The following GRM5 variants were observed in gnomAD, a reference collection of about 807,000 sequenced individuals.
The protein encoded by GRM5 is metabotropic glutamate receptor 5.
Under a neutral mutation model 83.1 loss-of-function variants are expected in GRM5, and 19 were observed. The ratio of observed to expected loss-of-function variants is 0.23; its 90% CI spans 0.16 to 0.34. The LOEUF (loss-of-function observed/expected upper bound fraction) is 0.34, where lower values mean the gene tolerates loss of function less well. Among genes scored for constraint, GRM5 ranks in the 10% least tolerant of loss-of-function variants. The pLI is 1.00. For synonymous variants in GRM5, 675 were observed against 633.6 expected (o/e 1.07, Z -0.98); for missense variants, 1,160 against 1,588.3 (o/e 0.73, Z 4.58).
chr11:88,998,792 C>A (rs1398885777), intron 2 of GRM5, among the ~76,000 whole-genome samples: 1 of 152,080 alleles, frequency 6.6e-6, no homozygotes, highest in African/African-American at 2.4e-5. Flanking sequence ...TAGCAATGAG[C>A]ATATGGACAT....
At chr11:88,654,699 C>T (rs908937418) in intron 3 of GRM5, among the ~76,000 whole-genome samples, 3 of 151,952 alleles carry the variant, frequency 2.0e-5, no homozygotes, top group East Asian at 1.9e-4. Flanking sequence ...CTGCTTACCT[C>T]GGTGATATTC....
intron 7 of GRM5, among the ~76,000 whole-genome samples, chr11:88,570,525 C>G (rs1942965903): frequency 7.6e-6 from 1 of 131,004 alleles, no homozygotes; most frequent in Non-Finnish European, 1.6e-5. Context: ...CTTGGAGAGG[C>G]TGTTTTACCA....
intron 7 of GRM5, among the ~76,000 whole-genome samples, chr11:88,587,719 A>T (rs1402237739): frequency 6.6e-6 from 1 of 152,114 alleles, no homozygotes; most frequent in Non-Finnish European, 1.5e-5. Context: ...GAACATCTGT[A>T]TATCTCTAAA....
intron 2 of GRM5, among the ~76,000 whole-genome samples, chr11:89,002,142 T>A (rs988360771): frequency 6.6e-6 from 1 of 152,132 alleles, no homozygotes; most frequent in African/African-American, 2.4e-5. Flanking sequence ...CTATTTTAAG[T>A]TTAACTATTT....
intron 4 of GRM5, among the ~76,000 whole-genome samples, chr11:88,636,343 C>A (rs145997911): frequency 7.9e-5 from 12 of 152,178 alleles, no homozygotes; most frequent in African/African-American, 2.9e-4. Flanking sequence ...GAAACACTGT[C>A]CCTACTAGAA....
At chr11:88,550,863 G>A (rs1011958963) in intron 8 of GRM5, among the ~76,000 whole-genome samples, 1 of 152,058 alleles carries the variant, frequency 6.6e-6, no homozygotes, top group African/African-American at 2.4e-5. Flanking sequence ...ATTTCTGGTA[G>A]CTAAGCTAAT....
chr11:88,580,560 A>G (rs773375859), intron 7 of GRM5, among the ~76,000 whole-genome samples: 12 of 152,182 alleles, frequency 7.9e-5, no homozygotes, highest in Non-Finnish European at 1.6e-4. Context: ...GAAACTAGAA[A>G]CCTTTTTTAT....
intron 4 of GRM5, among the ~76,000 whole-genome samples, chr11:88,625,762 C>T (rs1938776943): frequency 6.6e-6 from 1 of 151,786 alleles, no homozygotes; most frequent in East Asian, 1.9e-4. Context: ...TGCATATAGC[C>T]CCAATTCTAA....
chr11:88,748,356 GGC>G (rs1352746682), intron 3 of GRM5, among the ~76,000 whole-genome samples: 7 of 152,118 alleles, frequency 4.6e-5, no homozygotes, highest in African/African-American at 1.7e-4. Flanking sequence ...TTGTTCTGCA[GGC>G]CCTACTTCCA....
chr11:88,959,460 T>A (rs1938718686), intron 2 of GRM5, among the ~76,000 whole-genome samples: 1 of 151,692 alleles, frequency 6.6e-6, no homozygotes, highest in South Asian at 2.1e-4. Flanking sequence ...TTTATATACA[T>A]TAATATACGT....
chr11:89,006,594 CCT>C (rs1026394307), intron 2 of GRM5, among the ~76,000 whole-genome samples: 3 of 152,186 alleles, frequency 2.0e-5, no homozygotes, highest in African/African-American at 7.2e-5. Flanking sequence ...TGATTTGTCC[CCT>C]GACTGTCTCA....
chr11:88,842,677 T>A (rs762215825), intron 3 of GRM5, among the ~76,000 whole-genome samples: 25 of 152,314 alleles, frequency 1.6e-4, no homozygotes, highest in Non-Finnish European at 2.5e-4. Flanking sequence ...TGTTCCTGTC[T>A]CCAATTTAGA....
chr11:88,900,176 T>C (rs1945293266), intron 2 of GRM5, among the ~76,000 whole-genome samples: 1 of 152,134 alleles, frequency 6.6e-6, no homozygotes, highest in South Asian at 2.1e-4. Flanking sequence ...AATGCAGAAC[T>C]ACACAGACTA....
chr11:89,036,425 A>G (rs1941387581), intron 2 of GRM5, among the ~76,000 whole-genome samples: 1 of 152,078 alleles, frequency 6.6e-6, no homozygotes, highest in Admixed American at 6.6e-5. Context: ...GATGAATTGA[A>G]ACATCATTTA....
chr11:88,742,582 C>G (rs1445143091), intron 3 of GRM5, among the ~76,000 whole-genome samples: 3 of 152,096 alleles, frequency 2.0e-5, no homozygotes, highest in African/African-American at 7.2e-5. Flanking sequence ...CTCTTGGTGA[C>G]TCTCCAGGTA....
intron 3 of GRM5, among the ~76,000 whole-genome samples, chr11:88,821,705 T>C (rs1943798185): frequency 6.6e-6 from 1 of 152,166 alleles, no homozygotes; most frequent in African/African-American, 2.4e-5. Context: ...TCTTCTATAA[T>C]TCTACTGCTT....
chr11:88,783,769 C>T (rs982334745), intron 3 of GRM5, among the ~76,000 whole-genome samples: 3 of 151,938 alleles, frequency 2.0e-5, no homozygotes, highest in African/African-American at 7.2e-5. Flanking sequence ...TTTGTATGCA[C>T]TTAGAAAACA....
chr11:88,636,248 A>G (rs564255632), intron 4 of GRM5, among the ~76,000 whole-genome samples: 2 of 152,338 alleles, frequency 1.3e-5, no homozygotes, highest in East Asian at 3.9e-4. Flanking sequence ...ACGGTGGCTC[A>G]CGCTTGTAAT....
intron 4 of GRM5, among the ~76,000 whole-genome samples, chr11:88,636,320 T>C (rs1285102114): frequency 3.3e-5 from 5 of 152,202 alleles, no homozygotes; most frequent in Non-Finnish European, 7.3e-5. Flanking sequence ...GAGAACAGCC[T>C]GGCCAACATG....
Sources: allele counts gnomAD v4.1 joint callset (sites outside exome capture counted in the v4.1 genomes callset), GRCh38; gene constraint gnomAD v4.1.1; transcripts MANE v1.5; gene names NCBI Gene and HGNC (gene_info 2026-07-23, HGNC 2026-07-21).